Variants in SORCS3 observed in about 807,000 individuals in gnomAD.
SORCS3 encodes VPS10 domain-containing receptor SorCS3.
A neutral mutation model predicts 146.3 loss-of-function variants in SORCS3; 57 were observed. That is an observed-to-expected ratio of 0.39 (90% CI 0.31 to 0.49). The LOEUF (loss-of-function observed/expected upper bound fraction) is 0.49. Among genes scored for constraint, SORCS3 ranks in the 20% least tolerant of loss-of-function variants. The pLI, the probability that SORCS3 is intolerant of heterozygous loss-of-function variation, is 0.92. For synonymous variants in SORCS3, 653 were observed against 618.5 expected (o/e 1.06, Z -0.83); for missense variants, 1,341 against 1,575.5 (o/e 0.85, Z 2.52).
chr10:104,772,909 G>A (rs2017268179), intron 1 of SORCS3, among the ~76,000 whole-genome samples: 3 of 152,196 alleles, frequency 2.0e-5, no homozygotes. Context: ...ACACAGAGAT[G>A]AACTAGACCT....
intron 1 of SORCS3, among the ~76,000 whole-genome samples, chr10:104,814,020 C>A (rs958413228): frequency 1.3e-5 from 2 of 149,704 alleles, no homozygotes; most frequent in African/African-American, 4.9e-5. Flanking sequence ...AGTCACTTTG[C>A]AACTTAAGTA....
At chr10:105,213,168 A>G (rs962390180) in intron 17 of SORCS3, among the ~76,000 whole-genome samples, 3 of 152,198 alleles carry the variant, frequency 2.0e-5, no homozygotes, top group African/African-American at 4.8e-5. Context: ...GTTGACAAAA[A>G]AGATGTATAT....
intron 7 of SORCS3, among the ~76,000 whole-genome samples, chr10:105,127,157 G>A (rs180951454): frequency 3.3e-5 from 5 of 152,196 alleles, no homozygotes; most frequent in East Asian, 1.9e-4. Context: ...TAATTATTAC[G>A]TGGATTCAGC....
intron 6 of SORCS3, among the ~76,000 whole-genome samples, chr10:105,103,931 A>T (rs2055803842): frequency 6.6e-6 from 1 of 152,236 alleles, no homozygotes; most frequent in Non-Finnish European, 1.5e-5. Context: ...TTAGAAAGGA[A>T]AATCTCTAAT....
intron 1 of SORCS3, among the ~76,000 whole-genome samples, chr10:104,803,176 AAAAC>A (rs1278056085): frequency 1.8e-4 from 28 of 152,364 alleles, no homozygotes; most frequent in Middle Eastern, 3.4e-3. Context: ...GATAAAAAGC[AAAAC>A]AAACAAAAAC....
intron 3 of SORCS3, among the ~76,000 whole-genome samples, chr10:104,945,181 G>C (rs142219993): frequency 1.0e-3 from 153 of 152,286 alleles, no homozygotes; most frequent in African/African-American, 3.5e-3. Context: ...GAGCATTGTG[G>C]TTACTTTTGG....
intron 9 of SORCS3, among the ~76,000 whole-genome samples, chr10:105,155,325 A>C (rs2056199360): frequency 6.6e-6 from 1 of 152,204 alleles, no homozygotes; most frequent in Non-Finnish European, 1.5e-5. Context: ...GCTCCCCAGG[A>C]AAAACTGAAC....
intron 5 of SORCS3, among the ~76,000 whole-genome samples, chr10:105,047,884 T>A (rs1347225635): frequency 3.9e-5 from 6 of 152,066 alleles, no homozygotes; most frequent in African/African-American, 1.4e-4. Flanking sequence ...CTGGTGTGTG[T>A]AGACAAGAGG....
chr10:105,156,879 C>G (rs2056213633), intron 9 of SORCS3, among the ~76,000 whole-genome samples: 1 of 151,834 alleles, frequency 6.6e-6, no homozygotes, highest in Admixed American at 6.6e-5. Flanking sequence ...GAACAAAGTA[C>G]AGAGACGAGC....
chr10:105,261,793 T>C (rs2056961875), intron 25 of SORCS3, among the ~76,000 whole-genome samples: 1 of 152,232 alleles, frequency 6.6e-6, no homozygotes, highest in South Asian at 2.1e-4. Context: ...GAAACTATTG[T>C]CATCCCCATT....
At chr10:105,161,007 A>T (rs2056257461) in intron 11 of SORCS3, among the ~76,000 whole-genome samples, 3 of 152,372 alleles carry the variant, frequency 2.0e-5, no homozygotes, top group Middle Eastern at 3.4e-3. Context: ...AGGTAGTATT[A>T]ATGGTAGTTG....
chr10:104,656,145 G>A (rs1379845128), intron 1 of SORCS3, among the ~76,000 whole-genome samples: 1 of 152,176 alleles, frequency 6.6e-6, no homozygotes, highest in Non-Finnish European at 1.5e-5. Context: ...ATGCAGATGA[G>A]TGGAGATTGC....
chr10:104,658,248 A>G (rs2015656658), intron 1 of SORCS3, among the ~76,000 whole-genome samples: 1 of 152,170 alleles, frequency 6.6e-6, no homozygotes, highest in African/African-American at 2.4e-5. Flanking sequence ...TGCTGAAAGA[A>G]TCATGTCTGG....
intron 1 of SORCS3, among the ~76,000 whole-genome samples, chr10:104,707,989 C>T (rs923624407): frequency 2.6e-5 from 4 of 152,176 alleles, no homozygotes; most frequent in African/African-American, 7.2e-5. Context: ...TTTATAGAAA[C>T]TCAGTGCAAT....
At position 104,803,505 on chromosome 10, in the gene SORCS3, A is replaced by G. The variant is rs563886321; in HGVS notation, c.628-39287A>G. 3.9e-5 allele frequency among the ~76,000 whole-genome samples: 6 copies of G among 152,264 alleles called. No individual in the cohort carries two copies. In the South Asian group the frequency reaches 1.2e-3, roughly 32 times the overall value. ...ACCAGCTCACCTTGATTTTACCTGT[A>G]TTATGCATTGGGTTTTCACATAACT... is the stretch of plus-strand genomic sequence containing the variant. On this transcript the variant is annotated intron_variant, in intron 1 of 26. Coordinates refer to ENST00000369701, the MANE Select transcript of SORCS3 (RefSeq NM_014978.3).
Position 105,167,456 on chromosome 10 carries a change from C to T in SORCS3, c.1901+107C>T, listed in dbSNP as rs1424581350. On this transcript the variant is annotated intron_variant, in intron 13 of 26. Coordinates refer to ENST00000369701, the MANE Select transcript of SORCS3 (RefSeq NM_014978.3). Reference sequence around the variant, plus strand: ...TTTTGTACCCATTTGTACATTTCCTCATCCATTTATTTATCCATCCATCCA... The same window carrying T: ...TTTTGTACCCATTTGTACATTTCCTTATCCATTTATTTATCCATCCATCCA... 6.5e-6 allele frequency: 5 copies of T among 765,194 alleles called. No individual in the cohort carries two copies. In the South Asian group the frequency reaches 7.3e-5, roughly 11 times the overall value. 47.4% of individuals were successfully genotyped at this position (765,194 alleles called of 1,614,324 possible).
At chr10:104,753,252 G>T (rs1274388029) in intron 1 of SORCS3, among the ~76,000 whole-genome samples, 1 of 152,216 alleles carries the variant, frequency 6.6e-6, no homozygotes, top group East Asian at 1.9e-4. Flanking sequence ...TAAATTATGA[G>T]TAAGGAATCC....
At chr10:104,909,117 CT>C (rs890957038) in intron 2 of SORCS3, among the ~76,000 whole-genome samples, 2 of 152,142 alleles carry the variant, frequency 1.3e-5, no homozygotes, top group African/African-American at 4.8e-5. Context: ...ACCCCTCCTG[CT>C]TTTGCAAAAG....
At chr10:104,985,826 T>C (rs2054958996) in intron 4 of SORCS3, among the ~76,000 whole-genome samples, 3 of 152,098 alleles carry the variant, frequency 2.0e-5, no homozygotes, top group Admixed American at 1.3e-4. Context: ...TTCTTAGTAG[T>C]AGGTCTCAAC....
Sources: gnomAD v4.1 joint callset for allele counts (sites outside exome capture counted in the v4.1 genomes callset) on GRCh38, gnomAD v4.1.1 for gene constraint, MANE v1.5 for transcripts, NCBI Gene and HGNC (gene_info 2026-07-23, HGNC 2026-07-21) for gene names.